Variants in SDK1 observed in about 807,000 individuals in gnomAD.
The protein encoded by SDK1 is protein sidekick-1.
SDK1 carries 157 observed loss-of-function variants against 245.5 expected under a neutral mutation model. That is an observed-to-expected ratio of 0.64 (90% CI 0.56 to 0.73). The LOEUF is 0.73. SDK1 is among the 30% of genes least tolerant of loss of function. The pLI is 0.00. For synonymous variants in SDK1, 1,647 were observed against 1,278.5 expected (o/e 1.29, Z -6.15); for missense variants, 3,583 against 3,002.3 (o/e 1.19, Z -4.52).
intron 4 of SDK1, among the ~76,000 whole-genome samples, chr7:3,682,941 C>G (rs1296141699): frequency 2.6e-5 from 4 of 152,096 alleles, no homozygotes; most frequent in Admixed American, 1.3e-4. Context: ...ACCATGTTGT[C>G]CAGGCTGGTC....
chr7:4,241,354 G>T (rs570730947), intron 42 of SDK1, among the ~76,000 whole-genome samples: 29 of 152,026 alleles, frequency 1.9e-4, no homozygotes, highest in Non-Finnish European at 3.7e-4. Flanking sequence ...TGCATTCTTG[G>T]CCAGGTGCAG....
chr7:3,989,563 C>T (rs1257393677), intron 14 of SDK1, among the ~76,000 whole-genome samples: 1 of 152,174 alleles, frequency 6.6e-6, no homozygotes, highest in Non-Finnish European at 1.5e-5. Context: ...GTGGTTGTCT[C>T]TGGATGATAC....
At chr7:3,583,345 G>A (rs545749227) in intron 1 of SDK1, among the ~76,000 whole-genome samples, 5 of 152,188 alleles carry the variant, frequency 3.3e-5, no homozygotes, top group Admixed American at 1.3e-4. Context: ...TTCCTCTTCC[G>A]GTGCCAAATT....
At chr7:3,529,254 C>T (rs147543139) in intron 1 of SDK1, among the ~76,000 whole-genome samples, 12 of 152,160 alleles carry the variant, frequency 7.9e-5, no homozygotes, top group Non-Finnish European at 1.8e-4. Flanking sequence ...CAGTCAATCA[C>T]TTATCAGCAG....
intron 14 of SDK1, among the ~76,000 whole-genome samples, chr7:4,005,039 CT>C (rs1162979240): frequency 0.021 from 1,941 of 91,004 alleles, 3 homozygotes; most frequent in East Asian, 0.027. Flanking sequence ...GTTCCTGCAC[CT>C]TTTTTTTTTT....
At chr7:3,852,742 C>T (rs1384080299) in intron 5 of SDK1, among the ~76,000 whole-genome samples, 5 of 118,364 alleles carry the variant, frequency 4.2e-5, no homozygotes, top group African/African-American at 1.8e-4. Context: ...CAGAGCAAGA[C>T]TCCGTCTCAA....
chr7:3,941,528 T>C (rs984572309), intron 5 of SDK1, among the ~76,000 whole-genome samples: 2 of 152,042 alleles, frequency 1.3e-5, no homozygotes, highest in Non-Finnish European at 2.9e-5. Flanking sequence ...GTTCCCTCCT[T>C]TTCTCCTATT....
At chr7:3,485,921 T>C (rs970997495) in intron 1 of SDK1, among the ~76,000 whole-genome samples, 11 of 151,946 alleles carry the variant, frequency 7.2e-5, no homozygotes, top group South Asian at 2.1e-4. Context: ...ATCTATTTTT[T>C]GAAGATTTGA....
At chr7:3,497,450 G>T (rs1005506925) in intron 1 of SDK1, among the ~76,000 whole-genome samples, 3 of 152,150 alleles carry the variant, frequency 2.0e-5, no homozygotes. Context: ...TCTTTATTAT[G>T]AAAGTGCTAT....
intron 1 of SDK1, among the ~76,000 whole-genome samples, chr7:3,371,849 C>T (rs559801366): frequency 6.6e-6 from 1 of 152,220 alleles, no homozygotes; most frequent in East Asian, 1.9e-4. Flanking sequence ...CATAAGAAAC[C>T]CTGACAGTCG....
intron 20 of SDK1, among the ~76,000 whole-genome samples, chr7:4,074,797 A>C (rs945203606): frequency 2.7e-5 from 4 of 146,814 alleles, no homozygotes; most frequent in African/African-American, 7.7e-5. Context: ...GAGTGGTTCA[A>C]GGTTGCAGTG....
chr7:3,849,437 A>G (rs1048807082), intron 5 of SDK1, among the ~76,000 whole-genome samples: 1 of 152,226 alleles, frequency 6.6e-6, no homozygotes, highest in Admixed American at 6.5e-5. Context: ...TCTAATGGCA[A>G]GAAATTAGAC....
intron 32 of SDK1, among the ~76,000 whole-genome samples, chr7:4,169,969 A>G (rs1488739770): frequency 2.0e-5 from 3 of 152,216 alleles, no homozygotes; most frequent in Non-Finnish European, 2.9e-5. Context: ...GGCTCAGTAC[A>G]GAAACCACTC....
chr7:4,063,553 A>G (rs181442663), intron 19 of SDK1, among the ~76,000 whole-genome samples: 27 of 151,882 alleles, frequency 1.8e-4, no homozygotes, highest in African/African-American at 4.4e-4. Flanking sequence ...TAATGACTCA[A>G]TGCAATCTCT....
intron 17 of SDK1, among the ~76,000 whole-genome samples, chr7:4,019,546 T>C (rs1337021624): frequency 1.3e-5 from 2 of 152,158 alleles, no homozygotes; most frequent in African/African-American, 2.4e-5. Context: ...GAATGAACTT[T>C]TTCCCATATG....
At chr7:3,354,922 A>G (rs888020436) in intron 1 of SDK1, among the ~76,000 whole-genome samples, 1 of 152,254 alleles carries the variant, frequency 6.6e-6, no homozygotes, top group Non-Finnish European at 1.5e-5. Context: ...TGCTTAAAAT[A>G]ATCCACCAGC....
At chr7:3,825,761 G>C (rs964849964) in intron 5 of SDK1, among the ~76,000 whole-genome samples, 2 of 152,108 alleles carry the variant, frequency 1.3e-5, no homozygotes, top group African/African-American at 2.4e-5. Context: ...TGTAAAACAT[G>C]GCTTTTGTGT....
intron 4 of SDK1, among the ~76,000 whole-genome samples, chr7:3,668,607 A>G (rs1783606152): frequency 1.3e-5 from 2 of 152,164 alleles, no homozygotes; most frequent in Non-Finnish European, 2.9e-5. Context: ...CCTGGCCAAT[A>G]TGGTGAAACC....
chr7:3,843,985 T>C (rs1438438162), intron 5 of SDK1, among the ~76,000 whole-genome samples: 2 of 152,216 alleles, frequency 1.3e-5, no homozygotes, highest in African/African-American at 2.4e-5. Flanking sequence ...ATTTATTTAT[T>C]TATTAGACAG....
Sources: gnomAD v4.1 joint callset for allele counts (sites outside exome capture counted in the v4.1 genomes callset) on GRCh38, gnomAD v4.1.1 for gene constraint, MANE v1.5 for transcripts, NCBI Gene and HGNC (gene_info 2026-07-23, HGNC 2026-07-21) for gene names.